EGR4: variants seen among roughly 807,000 people sequenced by gnomAD.
The protein encoded by EGR4 is early growth response protein 4.
A neutral mutation model predicts 25.4 loss-of-function variants in EGR4; 22 were observed. That is an observed-to-expected ratio of 0.87 (90% CI 0.62 to 1.24). The LOEUF (loss-of-function observed/expected upper bound fraction) is 1.24. EGR4 is among the 50% of genes most tolerant of loss of function. The pLI, the probability that EGR4 is intolerant of heterozygous loss-of-function variation, is 0.00. For synonymous variants in EGR4, 375 were observed against 320.1 expected (o/e 1.17, Z -1.83); for missense variants, 742 against 702.9 (o/e 1.06, Z -0.63).
In EGR4 at chr2:73,292,134, G is replaced by C. The variant is rs1689119232; in HGVS notation, c.784C>G (p.Pro262Ala). The change falls in exon 2 of 2, where the codon CCC becomes GCC. Residue 262 changes from proline (P) to alanine (A), a missense_variant. Coordinates refer to ENST00000436467, the MANE Select transcript of EGR4 (RefSeq NM_001965.4). ...LPAVPANRLY[P>A]SGAYDAFPLA... The stretch of plus-strand genomic sequence containing the variant: ...GGGAAAGCGTCATAGGCCCCGCTGG[G>C]ATAGAGTCTGTTGGCTGGGACGGCC... The C allele has an allele frequency of 6.3e-7, 1 of 1,595,706 alleles. No homozygotes were observed. The highest frequency in any genetic ancestry group is 8.5e-7 in the Non-Finnish European group (1 of 1,171,036).
chr2:73,293,188 G>A lies in EGR4; in HGVS notation c.130C>T (p.Pro44Ser), dbSNP rs375301544. The A allele has an allele frequency of 3.9e-6, 6 of 1,535,624 alleles. No homozygotes were observed. In the African/African-American group the frequency reaches 7.0e-5, roughly 18 times the overall value. ...ARDAPAATGYPGAGDFLSWAL... is the reference protein window; with the variant it reads ...ARDAPAATGYSGAGDFLSWAL... ...CCCTGCTCGCCCTCCTTACCTCCAG[G>A]GTAGCCGGTGGCCGCGGGAGCGTCC... The change falls in exon 1 of 2, where the codon CCT becomes TCT. Residue 44 changes from proline (P) to serine (S), a missense_variant. By Grantham distance (74) the Pro-to-Ser change is moderately conservative. Coordinates refer to ENST00000436467, the MANE Select transcript of EGR4 (RefSeq NM_001965.4).
In EGR4 at chr2:73,292,149, C is replaced by G; in HGVS notation, c.769G>C (p.Ala257Pro). ...SCPAELPAVPANRLYPSGAYD... is the reference protein window; with the variant it reads ...SCPAELPAVPPNRLYPSGAYD... ...GCCCCGCTGGGATAGAGTCTGTTGG[C>G]TGGGACGGCCGGCAGTTCCGCAGGG... Residue 257 changes from alanine (A) to proline (P), a missense_variant, in exon 2 of 2, where the codon GCC becomes CCC. Physicochemically the swap from Ala to Pro is conservative, Grantham distance 27 (BLOSUM62 -1). Transcript: ENST00000436467. The G allele has an allele frequency of 6.3e-7, 1 of 1,589,084 alleles. No individual in the cohort carries two copies. Among genetic ancestry groups the G allele is most frequent in the Non-Finnish European group, 8.6e-7 (1 of 1,167,616 alleles).
chr2:73,292,696 G>A lies in EGR4; in HGVS notation c.222C>T (p.Pro74=). The change falls in exon 2 of 2, where the codon CCC becomes CCT. Residue 74 remains proline, a synonymous_variant. Transcript: ENST00000436467. The stretch of plus-strand genomic sequence containing the variant: ...TGTAGCTGAGGCCGGGAGGGGGTGT[G>A]GGCGCAGGCCCCTCCAGGAAGCAGG... ...ADSCFLEGPA[P]TPPPGLSYSG... The A allele has an allele frequency of 6.6e-7, 1 of 1,520,688 alleles. No individual in the cohort carries two copies. Among genetic ancestry groups the A allele is most frequent in the African/African-American group, 1.4e-5 (1 of 71,366 alleles). 94.2% of individuals were successfully genotyped at this position (1,520,688 alleles called of 1,614,324 possible). A position where few individuals can be genotyped will look rare whatever the true frequency, so the allele number is the denominator to read the frequency against.
At chr2:73,292,879 A>C in intron 1 of EGR4, 98 bp from the exon 2 acceptor site, 2 of 1,287,354 alleles carry the variant, frequency 1.6e-6, no homozygotes. Flanking sequence ...GGATATACAC[A>C]AAGTGCCTTT....
rs543777576 is a variant in EGR4, at chr2:73,292,911, G to A, written c.137-130C>T. On this transcript the variant is annotated intron_variant, in intron 1 of 1. Transcript: ENST00000436467. ...CTTTTGCACATTCTGATTCAGCAGGGGCCCGCATACGTCCCAAGGAGCACA... is the reference window on the plus strand; with the variant it reads ...CTTTTGCACATTCTGATTCAGCAGGAGCCCGCATACGTCCCAAGGAGCACA... The A allele has an allele frequency of 7.9e-6, 9 of 1,138,918 alleles. 1 individual carries two copies. In the South Asian group the frequency reaches 2.7e-4, roughly 34 times the overall value. 70.6% of individuals were successfully genotyped at this position (1,138,918 alleles called of 1,614,324 possible). A position where few individuals can be genotyped will look rare whatever the true frequency, so the allele number is the denominator to read the frequency against.
chr2:73,292,785 A>C lies in EGR4; in HGVS notation c.137-4T>G, dbSNP rs1689138699. 1 of 1,443,850 alleles carries C rather than the reference A, an allele frequency of 6.9e-7. No homozygotes were observed. Among genetic ancestry groups the C allele is most frequent in the Admixed American group, 2.6e-5 (1 of 37,908 alleles). 89.4% of individuals were successfully genotyped at this position (1,443,850 alleles called of 1,614,324 possible). ...GCCCAGCTCAAGAAGTCGCCTGCTG[A>C]GGAGGGAGCAGGAATCAGCTCTGGG... On this transcript the variant is annotated splice_region_variant and splice_polypyrimidine_tract_variant and intron_variant, in intron 1 of 1. Transcript: ENST00000436467.
rs773172505 is a variant in EGR4, at chr2:73,293,362, C to A, written c.-45G>T. Reference sequence around the variant, plus strand: ...GGCGCCCGGGGCCTCGCCCGCTGGGCTTGGGGGCGCGCGGGTGGCGGGGAG... The same window carrying A: ...GGCGCCCGGGGCCTCGCCCGCTGGGATTGGGGGCGCGCGGGTGGCGGGGAG... On this transcript the variant is annotated 5_prime_UTR_variant, in exon 1 of 2. Transcript: ENST00000436467. The A allele has an allele frequency of 2.0e-6, 3 of 1,512,636 alleles. No individual in the cohort carries two copies. The highest frequency in any genetic ancestry group is 2.6e-6 in the Non-Finnish European group (3 of 1,132,554). The allele number at this position is 1,512,636 out of a possible 1,614,324, so 93.7% of individuals were successfully genotyped here.
At position 73,291,677 on chromosome 2, in the gene EGR4, A is replaced by G. The variant is rs1482884154; in HGVS notation, c.1241T>C (p.Ile414Thr). ...HTGHKPFQCR[I>T]CLRNFSRSDH... The stretch of plus-strand genomic sequence containing the variant: ...GCTGCGGCTGAAGTTGCGGAGGCAG[A>G]TGCGGCACTGGAAGGGTTTGTGGCC... The change falls in exon 2 of 2, where the codon ATC becomes ACC. Residue 414 changes from isoleucine to threonine, a missense_variant. By Grantham distance (89) the Ile-to-Thr change is moderately conservative. Coordinates refer to ENST00000436467, the MANE Select transcript of EGR4 (RefSeq NM_001965.4). 6.2e-7 allele frequency: 1 copy of G among 1,610,516 alleles called. No homozygotes were observed. The highest frequency in any genetic ancestry group is 2.2e-5 in the East Asian group (1 of 44,872).
At position 73,291,337 on chromosome 2, in the gene EGR4, G is replaced by A. The variant is rs546655705; in HGVS notation, c.*120C>T. The stretch of plus-strand genomic sequence containing the variant: ...CGGGCGCTTCAAGGAAACTGGAAGC[G>A]GGACCGGAGGCCGGCCCTCGGGCGT... On this transcript the variant is annotated 3_prime_UTR_variant, in exon 2 of 2. Transcript: ENST00000436467. The A allele has an allele frequency of 8.5e-6, 12 of 1,406,118 alleles. No individual in the cohort carries two copies. In the East Asian group the frequency reaches 2.1e-4, roughly 25 times the overall value. The allele number at this position is 1,406,118 out of a possible 1,614,324, so 87.1% of individuals were successfully genotyped here.
At chr2:73,292,833 TCCACAGC>T (rs1689139580) in intron 1 of EGR4, 52 bp from the exon 2 acceptor site, 2 of 1,363,104 alleles carry the variant, frequency 1.5e-6, no homozygotes, top group African/African-American at 3.0e-5. Flanking sequence ...TGCACCTGAG[TCCACAGC>T]CCCTACCTAC....
chr2:73,291,398 C>A lies in EGR4; in HGVS notation c.*59G>T. On this transcript the variant is annotated 3_prime_UTR_variant, in exon 2 of 2. Coordinates refer to ENST00000436467, the MANE Select transcript of EGR4 (RefSeq NM_001965.4). Reference sequence around the variant, plus strand: ...GTTGGAAGAAGAGCGGGGAGGGGAACGGCCCGGAACTCGTGCGCGCCGAAC... The same window carrying A: ...GTTGGAAGAAGAGCGGGGAGGGGAAAGGCCCGGAACTCGTGCGCGCCGAAC... 9.9e-6 allele frequency: 15 copies of A among 1,517,462 alleles called. No individual in the cohort carries two copies. The highest frequency in any genetic ancestry group is 1.3e-5 in the Non-Finnish European group (15 of 1,134,842). 94.0% of individuals were successfully genotyped at this position (1,517,462 alleles called of 1,614,324 possible). A position where few individuals can be genotyped will look rare whatever the true frequency, so the allele number is the denominator to read the frequency against.
In EGR4 at chr2:73,293,040, G is replaced by A. The variant is rs1264558078; in HGVS notation, c.136+142C>T. The A allele has an allele frequency of 6.2e-6, 6 of 966,548 alleles. No homozygotes were observed. In the South Asian group the frequency reaches 1.9e-4, roughly 31 times the overall value. 59.9% of individuals were successfully genotyped at this position (966,548 alleles called of 1,614,324 possible). ...TGGCGGCCCAGTGTGGGTGGGAATG[G>A]GGGTGCGCACCCCAGGACTCCTAAG... is the stretch of plus-strand genomic sequence containing the variant. On this transcript the variant is annotated intron_variant, in intron 1 of 1. Transcript: ENST00000436467.
chr2:73,291,251 G>A lies in EGR4; in HGVS notation c.*206C>T. On this transcript the variant is annotated 3_prime_UTR_variant, in exon 2 of 2. Transcript: ENST00000436467. ...TTCCCCCAAAGCGCGGCTGACAAGG[G>A]TGACAGCGCCTGGACCGCGGGAACT... 2.9e-6 allele frequency: 2 copies of A among 683,152 alleles called. No homozygotes were observed. Among genetic ancestry groups the A allele is most frequent in the Non-Finnish European group, 4.7e-6 (2 of 425,012 alleles). 42.3% of individuals were successfully genotyped at this position (683,152 alleles called of 1,614,324 possible).
Position 73,293,201 on chromosome 2 carries a change from C to T in EGR4, c.117G>A (p.Ala39=). 1 of 1,545,550 alleles carries T rather than the reference C, an allele frequency of 6.5e-7. No homozygotes were observed. The highest frequency in any genetic ancestry group is 8.7e-7 in the Non-Finnish European group (1 of 1,145,340). The change falls in exon 1 of 2, where the codon GCG becomes GCA. Residue 39 remains alanine, a synonymous_variant. Transcript: ENST00000436467. The part of the protein sequence containing the change: ...LPRLPARDAP[A]ATGYPGAGDF... ...CCTTACCTCCAGGGTAGCCGGTGGC[C>T]GCGGGAGCGTCCCTGGCAGGCAGCC...
Position 73,292,527 on chromosome 2 carries a change from G to C in EGR4, c.391C>G (p.Pro131Ala). The C allele has an allele frequency of 1.3e-6, 2 of 1,517,618 alleles. No homozygotes were observed. The highest frequency in any genetic ancestry group is 1.8e-6 in the Non-Finnish European group (2 of 1,135,414). 94.0% of individuals were successfully genotyped at this position (1,517,618 alleles called of 1,614,324 possible). ...GGCAGCAAGGCATCGGACCCCGCAG[G>C]AAAAGGGGCATCCAGCGGGGATCTG... ...ASRSPLDAPF[P>A]AGSDALLPGP... The change falls in exon 2 of 2, where the codon CCT (proline) becomes GCT (alanine). Residue 131 changes from proline (P) to alanine (A), a missense_variant. By Grantham distance (27) the Pro-to-Ala change is conservative (BLOSUM62 -1). Transcript: ENST00000436467.
In EGR4 at chr2:73,291,194, T is replaced by C. The variant is rs1689086803; in HGVS notation, c.*263A>G. On this transcript the variant is annotated 3_prime_UTR_variant, in exon 2 of 2. Coordinates refer to ENST00000436467, the MANE Select transcript of EGR4 (RefSeq NM_001965.4). ...CAAAAGACTGTCTTGAATCCCAGGG[T>C]AGTGCCTATTCACTGGGTGGTCTCA... is the stretch of plus-strand genomic sequence containing the variant. 1 of 530,548 alleles carries C rather than the reference T, an allele frequency of 1.9e-6. No homozygotes were observed. Among genetic ancestry groups the C allele is most frequent in the Non-Finnish European group, 3.3e-6 (1 of 301,228 alleles). 32.9% of individuals were successfully genotyped at this position (530,548 alleles called of 1,614,324 possible).
rs752560005 is a variant in EGR4, at chr2:73,291,832, G to C, written c.1086C>G (p.Arg362=). 14 of 1,584,022 alleles carry C rather than the reference G, an allele frequency of 8.8e-6. No homozygotes were observed. Among genetic ancestry groups the C allele is most frequent in the Non-Finnish European group, 1.2e-5 (14 of 1,170,714 alleles). Residue 362 remains arginine (R), a synonymous_variant, in exon 2 of 2, where the codon CGC becomes CGG. Coordinates refer to ENST00000436467, the MANE Select transcript of EGR4 (RefSeq NM_001965.4). ...AGCAGCGCGTGCTGCATTTGCCGCC[G>C]CGGCGCCCCTTGCGTCGCGCCTTGG... ...PQAKARRKGR[R]GGKCSTRCFC... is the part of the protein sequence containing the mutation.
In EGR4 at chr2:73,293,421, C is replaced by T. The variant is rs1184144557; in HGVS notation, c.-104G>A. 1.3e-6 allele frequency: 2 copies of T among 1,521,258 alleles called. No homozygotes were observed. The highest frequency in any genetic ancestry group is 8.8e-7 in the Non-Finnish European group (1 of 1,135,266). 94.2% of individuals were successfully genotyped at this position (1,521,258 alleles called of 1,614,324 possible). ...TAGGGGTTCCCCGCAGCGCACAGAC[C>T]TAGGCGCCCGGGCTCCTGGCTTCGG... On this transcript the variant is annotated 5_prime_UTR_variant, in exon 1 of 2. Transcript: ENST00000436467.
Position 73,291,349 on chromosome 2 carries a change from C to T in EGR4, c.*108G>A. 2 of 1,457,480 alleles carry T rather than the reference C, an allele frequency of 1.4e-6. No homozygotes were observed. The highest frequency in any genetic ancestry group is 1.4e-5 in the South Asian group (1 of 71,706). 90.3% of individuals were successfully genotyped at this position (1,457,480 alleles called of 1,614,324 possible). A position where few individuals can be genotyped will look rare whatever the true frequency, so the allele number is the denominator to read the frequency against. The stretch of plus-strand genomic sequence containing the variant: ...GGAAACTGGAAGCGGGACCGGAGGC[C>T]GGCCCTCGGGCGTGCGAGGAGGAGT... On this transcript the variant is annotated 3_prime_UTR_variant, in exon 2 of 2. Coordinates refer to ENST00000436467, the MANE Select transcript of EGR4 (RefSeq NM_001965.4).
Sources: allele counts gnomAD v4.1 joint callset, GRCh38; gene constraint gnomAD v4.1.1; transcripts MANE v1.5; gene names NCBI Gene and HGNC (gene_info 2026-07-23, HGNC 2026-07-21).